The following KCNS1 variants were observed in gnomAD, a reference collection of about 807,000 sequenced individuals.
KCNS1 encodes delayed-rectifier potassium channel regulatory subunit KCNS1.
KCNS1 carries 26 observed loss-of-function variants against 33.1 expected under a neutral mutation model. The observed-to-expected ratio is 0.79, with a 90% CI of 0.58 to 1.09. The LOEUF is 1.09. KCNS1 is among the 50% of genes least tolerant of loss of function. The pLI is 0.00. For synonymous variants in KCNS1, 299 were observed against 338.8 expected (o/e 0.88, Z 1.29); for missense variants, 702 against 752.4 (o/e 0.93, Z 0.78).
At position 45,098,836 on chromosome 20, in the gene KCNS1, G is replaced by GT; in HGVS notation, c.77-142dup. 1.2e-6 allele frequency: 1 copy of GT among 812,152 alleles called. No homozygotes were observed. Among genetic ancestry groups the GT allele is most frequent in the African/African-American group, 1.8e-5 (1 of 56,546 alleles). 50.3% of individuals were successfully genotyped at this position (812,152 alleles called of 1,614,324 possible). Reference sequence around the variant, plus strand: ...GCATCTGGTATGCAGGAGGCGCTCAGTAGATGTCAGGTGCCCTCTGGACTC... The same window carrying GT: ...GCATCTGGTATGCAGGAGGCGCTCAGTTAGATGTCAGGTGCCCTCTGGACTC... On this transcript the variant is annotated intron_variant, in intron 2 of 3. Coordinates refer to ENST00000537075, the MANE Select transcript of KCNS1 (RefSeq NM_001322799.2). This position sits in a 1 kb window ranked among gnomAD's most constrained non-coding sequence, Gnocchi z 5.2.
chr20:45,097,249 G>A (rs1981212919), intron 3 of KCNS1, among the ~76,000 whole-genome samples: 1 of 152,232 alleles, frequency 6.6e-6, no homozygotes, highest in Admixed American at 6.5e-5. Flanking sequence ...TATTAAGAGT[G>A]ACCTATGGTT....
In KCNS1 at chr20:45,097,662, C is replaced by G. The variant is rs534674635; in HGVS notation, c.1110G>C (p.Lys370Asn). The change falls in exon 3 of 4, where the codon AAG (lysine) becomes AAC (asparagine). Residue 370 changes from lysine to asparagine, a missense_variant and splice_region_variant. Lys to Asn is a moderately conservative substitution (Grantham distance 94). Coordinates refer to ENST00000537075, the MANE Select transcript of KCNS1 (RefSeq NM_001322799.2). ...TGLRSLGATL[K>N]HSYREVGILL... is the part of the protein sequence containing the mutation. ...TCCAACCTGGCCTCAGAGGCCGTAC[C>G]TTGAGCGTGGCTCCCAGCGAGCGCA... The G allele has an allele frequency of 6.2e-7, 1 of 1,601,960 alleles. No homozygotes were observed. The highest frequency in any genetic ancestry group is 2.2e-5 in the East Asian group (1 of 44,742).
chr20:45,099,050 CT>C, intron 2 of KCNS1, 110 bp downstream of exon 2: 1 of 1,282,632 alleles, frequency 7.8e-7, no homozygotes, highest in Non-Finnish European at 1.1e-6. Flanking sequence ...AGGATGTCTC[CT>C]TTTCCAGGAC....
rs766978326 is a variant in KCNS1 at position 45,097,876 on chromosome 20, T to C, written c.896A>G (p.Asn299Ser). The change falls in exon 3 of 4, where the codon AAC (asparagine) becomes AGC (serine). Residue 299 changes from asparagine to serine, a missense_variant. By Grantham distance (46) the Asn-to-Ser change is conservative. Coordinates refer to ENST00000537075, the MANE Select transcript of KCNS1 (RefSeq NM_001322799.2). ...SRLLLAPSTR[N>S]FFCHPLNLID... ...GAGGTTGAGCGGGTGGCAGAAGAAG[T>C]TGCGCGTACTGGGCGCCAGCAGGAG... 5.6e-6 allele frequency: 9 copies of C among 1,612,308 alleles called. No homozygotes were observed. The highest frequency in any genetic ancestry group is 6.8e-6 in the Non-Finnish European group (8 of 1,179,382).
chr20:45,099,490 G>C lies in KCNS1; in HGVS notation c.-3-251C>G, dbSNP rs543930812. Among the ~76,000 whole-genome samples the C allele has an allele frequency of 5.9e-5, 9 of 152,250 alleles. No individual in the cohort carries two copies. The East Asian group carries it at 1.7e-3, about 29-fold the overall frequency. On this transcript the variant is annotated intron_variant, in intron 1 of 3. Coordinates refer to ENST00000537075, the MANE Select transcript of KCNS1 (RefSeq NM_001322799.2). ...CACCTCTCTGAGCCTCTGTGAAATG[G>C]AAATAAAAATATTCACCTCAAAGTG...
In KCNS1 at chr20:45,091,518, C is replaced by T. The variant is rs146591031; in HGVS notation, c.*3352G>A. ...CTCGTCAGTCAGCTCTTCCTTTGGTCGGGTGAATTTCACAGATACCCTTCT... is the reference window on the plus strand; with the variant it reads ...CTCGTCAGTCAGCTCTTCCTTTGGTTGGGTGAATTTCACAGATACCCTTCT... On this transcript the variant is annotated 3_prime_UTR_variant, in exon 4 of 4. Transcript: ENST00000537075. 3.7e-4 allele frequency among the ~76,000 whole-genome samples: 56 copies of T among 152,292 alleles called. No homozygotes were observed. Among genetic ancestry groups the T allele is most frequent in the African/African-American group, 1.0e-3 (42 of 41,540 alleles).
At position 45,095,060 on chromosome 20, in the gene KCNS1, T is replaced by C. The variant is rs1981137085; in HGVS notation, c.1391A>G (p.Tyr464Cys). The change falls in exon 4 of 4, where the codon TAC becomes TGC. Residue 464 changes from tyrosine to cysteine, a missense_variant. Physicochemically the swap from Tyr to Cys is radical, Grantham distance 194 (BLOSUM62 -2). Coordinates refer to ENST00000537075, the MANE Select transcript of KCNS1 (RefSeq NM_001322799.2). ...TGCCTCCAGAGCCTTCTGGCGCCGGTAGAAGTGGGAGAACTTGTTGAAGAT... is the reference window on the plus strand; with the variant it reads ...TGCCTCCAGAGCCTTCTGGCGCCGGCAGAAGTGGGAGAACTTGTTGAAGAT... ...TIIFNKFSHF[Y>C]RRQKALEAAV... The C allele has an allele frequency of 2.5e-6, 4 of 1,613,846 alleles. No individual in the cohort carries two copies. Among genetic ancestry groups the C allele is most frequent in the Admixed American group, 1.7e-5 (1 of 59,992 alleles).
chr20:45,099,107 C>A, intron 2 of KCNS1, 54 bp downstream of exon 2: 1 of 1,544,018 alleles, frequency 6.5e-7, no homozygotes, highest in South Asian at 1.2e-5. Context: ...GGATCTTGGG[C>A]CCGCCAGCCC....
chr20:45,098,344 A>T lies in KCNS1; in HGVS notation c.428T>A (p.Leu143Gln), dbSNP rs1169355359. The T allele has an allele frequency of 6.4e-7, 1 of 1,573,304 alleles. No homozygotes were observed. The highest frequency in any genetic ancestry group is 1.2e-5 in the South Asian group (1 of 86,502). Residue 143 changes from leucine (L) to glutamine (Q), a missense_variant, in exon 3 of 4, where the codon CTA becomes CAA. Coordinates refer to ENST00000537075, the MANE Select transcript of KCNS1 (RefSeq NM_001322799.2). The surrounding 1 kb of genome is among the most constrained non-coding windows in gnomAD (Gnocchi z 5.2). ...GCACGCGGCAAGCGCGTTCTCGCCT[A>T]GGCCCCAGTAGTCGGCCTCCTGGCC... is the stretch of plus-strand genomic sequence containing the variant. The part of the protein sequence containing the change: ...AFGQEADYWG[L>Q]GENALAACCR...
Position 45,095,042 on chromosome 20 carries a change from A to G in KCNS1, c.1409T>C (p.Leu470Pro), listed in dbSNP as rs777210810. 1 of 1,613,942 alleles carries G rather than the reference A, an allele frequency of 6.2e-7. No individual in the cohort carries two copies. Among genetic ancestry groups the G allele is most frequent in the Admixed American group, 1.7e-5 (1 of 60,020 alleles). The change falls in exon 4 of 4, where the codon CTG (leucine) becomes CCG (proline). Residue 470 changes from leucine to proline, a missense_variant. Leu to Pro is a moderately conservative substitution (Grantham distance 98). Coordinates refer to ENST00000537075, the MANE Select transcript of KCNS1 (RefSeq NM_001322799.2). The stretch of plus-strand genomic sequence containing the variant: ...GTTGCTGTTGCGCACGGCTGCCTCC[A>G]GAGCCTTCTGGCGCCGGTAGAAGTG... Reference protein sequence around the residue: ...FSHFYRRQKALEAAVRNSNHQ... With the variant: ...FSHFYRRQKAPEAAVRNSNHQ...
intron 3 of KCNS1, among the ~76,000 whole-genome samples, chr20:45,096,792 G>A (rs1600600059): frequency 6.6e-6 from 1 of 152,114 alleles, no homozygotes; most frequent in African/African-American, 2.4e-5. Context: ...ATACCCTCGG[G>A]ACCAAGTCCA....
chr20:45,091,587 A>C lies in KCNS1; in HGVS notation c.*3283T>G, dbSNP rs1050967189. ...GCCCCAAACACCTGTCCATATTTTAATCTCTGGAACCCGTAACTATTACCT... is the reference window on the plus strand; with the variant it reads ...GCCCCAAACACCTGTCCATATTTTACTCTCTGGAACCCGTAACTATTACCT... On this transcript the variant is annotated 3_prime_UTR_variant, in exon 4 of 4. Coordinates refer to ENST00000537075, the MANE Select transcript of KCNS1 (RefSeq NM_001322799.2). Among the ~76,000 whole-genome samples the C allele has an allele frequency of 2.6e-5, 4 of 152,136 alleles. No individual in the cohort carries two copies. The highest frequency in any genetic ancestry group is 1.3e-4 in the Admixed American group (2 of 15,282).
At chr20:45,099,337 T>C (rs1316321670) in intron 1 of KCNS1, 98 bp from the exon 2 acceptor site, 2 of 709,204 alleles carry the variant, frequency 2.8e-6, no homozygotes, top group Admixed American at 2.1e-5. Context: ...TCTAACAAGA[T>C]TGGAAAGTGA....
At position 45,091,331 on chromosome 20, in the gene KCNS1, G is replaced by A. The variant is rs1168155280; in HGVS notation, c.*3539C>T. On this transcript the variant is annotated 3_prime_UTR_variant, in exon 4 of 4. Transcript: ENST00000537075. ...CAAGAGAGAGGCATATGACTCAAGT[G>A]AAATCAGACTCTCTCCTGGGATTGG... Among the ~76,000 whole-genome samples the A allele has an allele frequency of 6.6e-6, 1 of 152,192 alleles. No homozygotes were observed. Among genetic ancestry groups the A allele is most frequent in the Non-Finnish European group, 1.5e-5 (1 of 68,026 alleles).
chr20:45,092,925 GT>G lies in KCNS1; in HGVS notation c.*1944del, dbSNP rs1259456683. 2 of 152,066 alleles carry G rather than the reference GT, an allele frequency of 1.3e-5. No homozygotes were observed. The highest frequency in any genetic ancestry group is 2.9e-5 in the Non-Finnish European group (2 of 68,012). The allele number at this position is 152,066 out of a possible 1,614,324, so 9.4% of individuals were successfully genotyped here. On this transcript the variant is annotated 3_prime_UTR_variant, in exon 4 of 4. Transcript: ENST00000537075. ...ACTTAGTAGAGCTCGCTATATTTAT[GT>G]GATTATTGCATTAGAGTCTATCTTC...
chr20:45,098,337 C>G lies in KCNS1; in HGVS notation c.435G>C (p.Glu145Asp), dbSNP rs532420183. ...GQEADYWGLG[E>D]NALAACCRAR... ...CGCGGCAGCACGCGGCAAGCGCGTT[C>G]TCGCCTAGGCCCCAGTAGTCGGCCT... Residue 145 changes from glutamate (E) to aspartate (D), a missense_variant, in exon 3 of 4, where the codon GAG becomes GAC. By Grantham distance (45) the Glu-to-Asp change is conservative. Around this residue, in one of 3 missense-constraint regions of KCNS1, gnomAD observed 374 missense variants for 352.3 expected, o/e 1.06. Transcript: ENST00000537075. The surrounding 1 kb of genome is among the most constrained non-coding windows in gnomAD (Gnocchi z 5.2). The G allele has an allele frequency of 6.4e-7, 1 of 1,572,548 alleles. No individual in the cohort carries two copies. The highest frequency in any genetic ancestry group is 1.8e-5 in the Admixed American group (1 of 54,060).
At chr20:45,095,776 A>G (rs1208408345) in intron 3 of KCNS1, among the ~76,000 whole-genome samples, 1 of 152,236 alleles carries the variant, frequency 6.6e-6, no homozygotes. Context: ...CTGAGAGGAC[A>G]TAAGTCCCCT....
rs755392299 is a variant in KCNS1, at chr20:45,097,822, T to C, written c.950A>G (p.Tyr317Cys). 6 of 1,613,600 alleles carry C rather than the reference T, an allele frequency of 3.7e-6. No homozygotes were observed. Among genetic ancestry groups the C allele is most frequent in the Non-Finnish European group, 5.1e-6 (6 of 1,179,984 alleles). The change falls in exon 3 of 4, where the codon TAT becomes TGT. Residue 317 changes from tyrosine (Y) to cysteine (C), a missense_variant. Tyr to Cys is a radical substitution (Grantham distance 194). Transcript: ENST00000537075. ...TGCCACACCAGCCAGCAGCGTGAGA[T>C]AGAAGGGCAGCACAGACACAATGTC... The part of the protein sequence containing the change: ...LIDIVSVLPF[Y>C]LTLLAGVALG...
rs753161361 is a variant in KCNS1 at position 45,098,078 on chromosome 20, C to T, written c.694G>A (p.Ala232Thr). 1.1e-5 allele frequency: 17 copies of T among 1,560,802 alleles called. No homozygotes were observed. In the East Asian group the frequency reaches 4.1e-4, roughly 37 times the overall value. ...TGGATGCACATGGCGGCGATGGAGG[C>T]GAGCACCACGCTGATGGAGACGCAG... ...FSCVSISVVL[A>T]SIAAMCIHSL... The change falls in exon 3 of 4, where the codon GCC becomes ACC. Residue 232 changes from alanine to threonine, a missense_variant. Physicochemically the swap from Ala to Thr is moderately conservative, Grantham distance 58. Around this residue, in one of 3 missense-constraint regions of KCNS1, gnomAD observed 374 missense variants for 352.3 expected, o/e 1.06. Transcript: ENST00000537075. This position sits in a 1 kb window ranked among gnomAD's most constrained non-coding sequence, Gnocchi z 5.2.
Sources: allele counts gnomAD v4.1 joint callset (sites outside exome capture counted in the v4.1 genomes callset), GRCh38; gene constraint gnomAD v4.1.1; regional missense constraint gnomAD v4.1.1; non-coding constraint Gnocchi (gnomAD v3.1); transcripts MANE v1.5; gene names NCBI Gene and HGNC (gene_info 2026-07-23, HGNC 2026-07-21).